Variants in CRHR1 observed in about 807,000 individuals in gnomAD.
CRHR1 encodes the protein corticotropin-releasing hormone receptor 1.
CRHR1 carries 28 observed loss-of-function variants against 56.0 expected under a neutral mutation model. The observed-to-expected ratio is 0.50, with a 90% CI of 0.37 to 0.69. CRHR1 has a LOEUF of 0.69. CRHR1 is among the 30% of genes least tolerant of loss of function. The pLI is 0.00. For synonymous variants in CRHR1, 195 were observed against 216.5 expected (o/e 0.90, Z 0.87); for missense variants, 376 against 548.0 (o/e 0.69, Z 3.13).
At chr17:45,791,931 C>T (rs1409434018) in intron 1 of CRHR1, among the ~76,000 whole-genome samples, 2 of 152,020 alleles carry the variant, frequency 1.3e-5, no homozygotes, top group Non-Finnish European at 2.9e-5. Flanking sequence ...TTGTAACACC[C>T]GCACCTGCCA....
At chr17:45,832,030 G>A (rs1207625494) in intron 8 of CRHR1, among the ~76,000 whole-genome samples, 1 of 152,068 alleles carries the variant, frequency 6.6e-6, no homozygotes, top group East Asian at 1.9e-4. Context: ...AGACCAGCCT[G>A]GCTAACATGG....
intron 2 of CRHR1, among the ~76,000 whole-genome samples, chr17:45,808,810 C>A (rs1568045601): frequency 6.6e-6 from 1 of 152,066 alleles, no homozygotes; most frequent in Non-Finnish European, 1.5e-5. Context: ...CCATACCTGG[C>A]CTAATTTTTA....
chr17:45,813,062 T>C (rs2146324746), intron 2 of CRHR1, among the ~76,000 whole-genome samples: 1 of 152,298 alleles, frequency 6.6e-6, no homozygotes, highest in Non-Finnish European at 1.5e-5. Flanking sequence ...TCTGAAATCC[T>C]TGTGGGGATT....
At chr17:45,806,974 C>G in intron 1 of CRHR1, 36 bp from the exon 2 acceptor site, 7 of 1,592,948 alleles carry the variant, frequency 4.4e-6, no homozygotes, top group Non-Finnish European at 5.2e-6. Flanking sequence ...GCTCATGGCA[C>G]CTGCCTAATG....
At chr17:45,824,869 C>T (rs535478524) in intron 4 of CRHR1, among the ~76,000 whole-genome samples, 1 of 152,234 alleles carries the variant, frequency 6.6e-6, no homozygotes, top group South Asian at 2.1e-4. Flanking sequence ...TCTCTCATCT[C>T]CCCTGTGAGG....
intron 2 of CRHR1, among the ~76,000 whole-genome samples, chr17:45,813,776 T>C (rs1047835869): frequency 2.0e-5 from 3 of 152,274 alleles, no homozygotes; most frequent in Non-Finnish European, 2.9e-5. Flanking sequence ...TTTTCTTATC[T>C]GTAAAACAAG....
At chr17:45,808,694 G>A (rs2061763981) in intron 2 of CRHR1, among the ~76,000 whole-genome samples, 1 of 152,242 alleles carries the variant, frequency 6.6e-6, no homozygotes, top group South Asian at 2.1e-4. Context: ...TATCACCTAG[G>A]CTGAAGTGCA....
chr17:45,795,657 C>T (rs1162025116), intron 1 of CRHR1, among the ~76,000 whole-genome samples: 6 of 152,302 alleles, frequency 3.9e-5, no homozygotes, highest in South Asian at 2.1e-4. Context: ...ATCACTGGAA[C>T]GCATTTAAAA....
intron 8 of CRHR1, among the ~76,000 whole-genome samples, chr17:45,831,708 T>C (rs1361348988): frequency 6.6e-6 from 1 of 152,166 alleles, no homozygotes; most frequent in African/African-American, 2.4e-5. Flanking sequence ...TGAGAACCAC[T>C]GAGAGAGAGC....
chr17:45,800,269 G>A (rs2061598231), intron 1 of CRHR1: 1 of 152,242 alleles, frequency 6.6e-6, no homozygotes, highest in Non-Finnish European at 1.5e-5. Context: ...AACCTAAAAA[G>A]CAACTTACCT....
In CRHR1 at chr17:45,784,469, C is replaced by G. The variant is rs1042680737; in HGVS notation, c.-76C>G. 1.4e-6 allele frequency: 2 copies of G among 1,435,684 alleles called. No homozygotes were observed. Among genetic ancestry groups the G allele is most frequent in the Non-Finnish European group, 1.9e-6 (2 of 1,078,456 alleles). The allele number at this position is 1,435,684 out of a possible 1,614,324, so 88.9% of individuals were successfully genotyped here. A position where few individuals can be genotyped will look rare whatever the true frequency, so the allele number is the denominator to read the frequency against. Reference sequence around the variant, plus strand: ...GCCGCCCACCCCGTGCCGCCCGAGCCCGCAGCCGCCCGCCGGTCCCTCTGG... The same window carrying G: ...GCCGCCCACCCCGTGCCGCCCGAGCGCGCAGCCGCCCGCCGGTCCCTCTGG... On this transcript the variant is annotated 5_prime_UTR_variant, in exon 1 of 13. Transcript: ENST00000314537. This position sits in a 1 kb window ranked among gnomAD's most constrained non-coding sequence, Gnocchi z 4.2.
chr17:45,826,563 G>A (rs1459458778), intron 4 of CRHR1: 1 of 152,256 alleles, frequency 6.6e-6, no homozygotes, highest in East Asian at 1.9e-4. Flanking sequence ...GCTCTTGGAG[G>A]AAAGCCCTCT....
intron 4 of CRHR1, among the ~76,000 whole-genome samples, chr17:45,822,767 C>T (rs749837513): frequency 4.6e-5 from 7 of 151,992 alleles, no homozygotes; most frequent in Non-Finnish European, 8.8e-5. Context: ...AGGAGAATCG[C>T]TTGAAACCAG....
intron 1 of CRHR1, among the ~76,000 whole-genome samples, chr17:45,791,852 T>TCACACACA (rs59855327): frequency 2.0e-4 from 24 of 121,094 alleles, no homozygotes; most frequent in African/African-American, 5.1e-4. Context: ...TCTCTCTCTC[T>TCACACACA]CACACACACA....
chr17:45,785,168 G>A (rs1026945290), intron 1 of CRHR1, among the ~76,000 whole-genome samples: 3 of 152,222 alleles, frequency 2.0e-5, no homozygotes, highest in Non-Finnish European at 4.4e-5. Context: ...CCCCGACCGC[G>A]GCTGGGAGCG....
intron 9 of CRHR1, 113 bp downstream of exon 9, chr17:45,833,323 G>T (rs2062359641): frequency 6.9e-7 from 1 of 1,441,864 alleles, no homozygotes; most frequent in African/African-American, 1.4e-5. Flanking sequence ...CAAAGAGGGG[G>T]CATGGGTCAG....
intron 2 of CRHR1, 28 bp downstream of exon 2, chr17:45,807,125 G>T: frequency 6.2e-7 from 1 of 1,603,492 alleles, no homozygotes; most frequent in Non-Finnish European, 8.5e-7. Context: ...CCTCCTGCAA[G>T]ATTCCTGGTC....
At chr17:45,811,988 T>C (rs2061833344) in intron 2 of CRHR1, among the ~76,000 whole-genome samples, 1 of 152,202 alleles carries the variant, frequency 6.6e-6, no homozygotes, top group South Asian at 2.1e-4. Flanking sequence ...AACAGCTGTC[T>C]CTTGGTATCC....
At chr17:45,816,718 G>A (rs1045178030) in intron 3 of CRHR1, 136 bp downstream of exon 3, 6 of 1,386,448 alleles carry the variant, frequency 4.3e-6, no homozygotes, top group Admixed American at 2.3e-5. Flanking sequence ...TTTTCCAAAG[G>A]TCAGCGCTGT....
Sources: allele counts gnomAD v4.1 joint callset (sites outside exome capture counted in the v4.1 genomes callset), GRCh38; gene constraint gnomAD v4.1.1; non-coding constraint Gnocchi (gnomAD v3.1); transcripts MANE v1.5; gene names NCBI Gene and HGNC (gene_info 2026-07-23, HGNC 2026-07-21).